Variants in AGAP1 observed in about 807,000 individuals in gnomAD.
The protein encoded by AGAP1 is ArfGAP with GTPase domain, ankyrin repeat and PH domain 1.
In AGAP1, 29 loss-of-function variants were observed where a neutral mutation model predicts 105.3. The ratio of observed to expected loss-of-function variants is 0.28; its 90% CI spans 0.21 to 0.38. AGAP1 has a LOEUF of 0.38. AGAP1 is among the 10% of genes least tolerant of loss of function. AGAP1 has a pLI of 1.00. For missense variants in AGAP1, 998 were observed against 1,165.1 expected (o/e 0.86, Z 2.09); for synonymous variants, 509 against 485.9 (o/e 1.05, Z -0.63).
chr2:236,012,565 T>C lies in AGAP1; in HGVS notation c.1646-23996T>C, dbSNP rs1475014229. Among the ~76,000 whole-genome samples the C allele has an allele frequency of 6.6e-6, 1 of 152,082 alleles. No individual in the cohort carries two copies. Among genetic ancestry groups the C allele is most frequent in the Non-Finnish European group, 1.5e-5 (1 of 68,028 alleles). On this transcript the variant is annotated intron_variant, in intron 13 of 17. Coordinates refer to ENST00000304032, the MANE Select transcript of AGAP1 (RefSeq NM_001037131.3). The surrounding 1 kb of genome is among the most constrained non-coding windows in gnomAD (Gnocchi z 4.9). ...GGTTTCCTTCGTTCCTCATGCATGG[T>C]ATTTGTACCGGTGGGTACCTGAAGA...
At position 235,739,494 on chromosome 2, in the gene AGAP1, C is replaced by T. The variant is rs974147732; in HGVS notation, c.311-1469C>T. On this transcript the variant is annotated intron_variant, in intron 3 of 17. Coordinates refer to ENST00000304032, the MANE Select transcript of AGAP1 (RefSeq NM_001037131.3). This position sits in a 1 kb window ranked among gnomAD's most constrained non-coding sequence, Gnocchi z 5.3. ...CCTCAGCCTGACCATTTCCAGTGGG[C>T]CCTACCGTCTTGTTTCAGTGACTGG... 2.0e-5 allele frequency among the ~76,000 whole-genome samples: 3 copies of T among 152,202 alleles called. No individual in the cohort carries two copies. Among genetic ancestry groups the T allele is most frequent in the Non-Finnish European group, 4.4e-5 (3 of 68,042 alleles).
intron 1 of AGAP1, among the ~76,000 whole-genome samples, chr2:235,651,055 C>T (rs1253434184): frequency 1.3e-5 from 2 of 151,918 alleles, no homozygotes; most frequent in Non-Finnish European, 2.9e-5. Flanking sequence ...GTGGCATGCT[C>T]CTGTAGTCCC....
Position 235,494,676 on chromosome 2 carries a change from G to T in AGAP1, c.-11G>T. ...CGGGGGGCGCGCGGCTCCGGGCGCG[G>T]CGCCTGCACCATGAACTACCAGCAG... On this transcript the variant is annotated 5_prime_UTR_variant, in exon 1 of 18. Coordinates refer to ENST00000304032, the MANE Select transcript of AGAP1 (RefSeq NM_001037131.3). The T allele has an allele frequency of 7.0e-7, 1 of 1,421,680 alleles. No individual in the cohort carries two copies. 88.1% of individuals were successfully genotyped at this position (1,421,680 alleles called of 1,614,324 possible).
chr2:235,714,901 G>T lies in AGAP1; in HGVS notation c.223-2656G>T, dbSNP rs912176634. On this transcript the variant is annotated intron_variant, in intron 2 of 17. Coordinates refer to ENST00000304032, the MANE Select transcript of AGAP1 (RefSeq NM_001037131.3). This position sits in a 1 kb window ranked among gnomAD's most constrained non-coding sequence, Gnocchi z 4.1. The stretch of plus-strand genomic sequence containing the variant: ...CAACCTCCGCCTCCTGGGTTCAGGC[G>T]ATTCTCCTGCCTTAGCCTCCTGAGT... Among the ~76,000 whole-genome samples, 17 of 152,090 alleles carry T rather than the reference G, an allele frequency of 1.1e-4. No homozygotes were observed. The highest frequency in any genetic ancestry group is 3.9e-4 in the African/African-American group (16 of 41,396).
rs1265037934 is a variant in AGAP1 at position 235,620,247 on chromosome 2, T to G, written c.164-88932T>G. On this transcript the variant is annotated intron_variant, in intron 1 of 17. Transcript: ENST00000304032. The surrounding 1 kb of genome is among the most constrained non-coding windows in gnomAD (Gnocchi z 4.5). Reference sequence around the variant, plus strand: ...TGGCTTCCTGAGCCACCTCAGCCATTAGCACCCTGGTCCCGGGCAGCAGCG... The same window carrying G: ...TGGCTTCCTGAGCCACCTCAGCCATGAGCACCCTGGTCCCGGGCAGCAGCG... Among the ~76,000 whole-genome samples the G allele has an allele frequency of 4.6e-5, 7 of 152,176 alleles. No individual in the cohort carries two copies. Among genetic ancestry groups the G allele is most frequent in the Non-Finnish European group, 8.8e-5 (6 of 68,022 alleles).
intron 12 of AGAP1, among the ~76,000 whole-genome samples, chr2:235,937,823 G>A (rs761114103): frequency 2.6e-5 from 4 of 152,188 alleles, no homozygotes; most frequent in Non-Finnish European, 4.4e-5. Flanking sequence ...AGTGTGCCAC[G>A]GGGCAGAGAC....
intron 15 of AGAP1, 133 bp from the exon 16 acceptor site, chr2:236,048,926 G>C: frequency 1.3e-6 from 1 of 794,574 alleles, no homozygotes; most frequent in Non-Finnish European, 2.0e-6. Context: ...TGGCTAGGGA[G>C]CATTTTTTCT....
chr2:235,787,175 G>GA lies in AGAP1; in HGVS notation c.674-10583dup, dbSNP rs1956694647. Among the ~76,000 whole-genome samples, 1 of 152,212 alleles carries GA rather than the reference G, an allele frequency of 6.6e-6. No individual in the cohort carries two copies. The highest frequency in any genetic ancestry group is 1.5e-5 in the Non-Finnish European group (1 of 68,048). ...AGGCTTCTCCCCTCTCCTGTTGTAA[G>GA]AGTTGAGCTAGCAGGGGCCGCCTCT... On this transcript the variant is annotated intron_variant, in intron 6 of 17. Transcript: ENST00000304032. This position sits in a 1 kb window ranked among gnomAD's most constrained non-coding sequence, Gnocchi z 4.4.
At chr2:235,772,382 C>T (rs887436855) in intron 6 of AGAP1, among the ~76,000 whole-genome samples, 3 of 152,138 alleles carry the variant, frequency 2.0e-5, no homozygotes, top group African/African-American at 4.8e-5. Flanking sequence ...TTTCTCTTGA[C>T]GAACTTCCCT....
chr2:236,069,547 C>G, intron 16 of AGAP1, among the ~76,000 whole-genome samples: 1 of 152,210 alleles, frequency 6.6e-6, no homozygotes, highest in East Asian at 1.9e-4. Flanking sequence ...CCTCAGCCTC[C>G]CAAATAGCTG....
intron 10 of AGAP1, among the ~76,000 whole-genome samples, chr2:235,890,474 G>C (rs1414050655): frequency 6.6e-6 from 1 of 152,148 alleles, no homozygotes; most frequent in Non-Finnish European, 1.5e-5. Context: ...AAAGGCCAGT[G>C]GTGGGGCAGG....
intron 1 of AGAP1, among the ~76,000 whole-genome samples, chr2:235,688,489 C>T (rs1949576968): frequency 1.3e-5 from 2 of 152,182 alleles, no homozygotes; most frequent in African/African-American, 4.8e-5. Flanking sequence ...AAACTTTCTG[C>T]CTCTCTTGGG....
chr2:235,784,790 A>C (rs1480002890), intron 6 of AGAP1, among the ~76,000 whole-genome samples: 1 of 152,130 alleles, frequency 6.6e-6, no homozygotes, highest in African/African-American at 2.4e-5. Flanking sequence ...ATGTTACTAT[A>C]ACATCACAAA....
chr2:235,890,648 G>A (rs924772824), intron 10 of AGAP1, among the ~76,000 whole-genome samples: 7 of 152,216 alleles, frequency 4.6e-5, no homozygotes, highest in Non-Finnish European at 8.8e-5. Flanking sequence ...ATCACACAGA[G>A]GTGCCCTGCT....
At chr2:235,765,566 G>T (rs1954884355) in intron 6 of AGAP1, among the ~76,000 whole-genome samples, 1 of 152,166 alleles carries the variant, frequency 6.6e-6, no homozygotes, top group Non-Finnish European at 1.5e-5. Context: ...CAGCCAACCG[G>T]ACTGTACCAC....
intron 1 of AGAP1, among the ~76,000 whole-genome samples, chr2:235,496,521 C>T: frequency 6.6e-6 from 1 of 152,172 alleles, no homozygotes; most frequent in Non-Finnish European, 1.5e-5. Flanking sequence ...ATGGTTCTTC[C>T]TGGCTCTCTG....
intron 16 of AGAP1, among the ~76,000 whole-genome samples, chr2:236,094,165 G>A (rs1046204502): frequency 6.6e-6 from 1 of 152,004 alleles, no homozygotes; most frequent in African/African-American, 2.4e-5. Flanking sequence ...CTGATCAAAA[G>A]CTGTGATGGA....
rs2058742875 is a variant in AGAP1 at position 236,080,125 on chromosome 2, A to G, written c.2114+30844A>G. The stretch of plus-strand genomic sequence containing the variant: ...GAGGAACCCTAAGCTTAGGAACCAA[A>G]TCTTCTACAGTGGGCACAAAGCACA... On this transcript the variant is annotated intron_variant, in intron 16 of 17. Coordinates refer to ENST00000304032, the MANE Select transcript of AGAP1 (RefSeq NM_001037131.3). This position sits in a 1 kb window ranked among gnomAD's most constrained non-coding sequence, Gnocchi z 4.2. 6.6e-6 allele frequency among the ~76,000 whole-genome samples: 1 copy of G among 152,170 alleles called. No homozygotes were observed. Among genetic ancestry groups the G allele is most frequent in the Admixed American group, 6.5e-5 (1 of 15,282 alleles).
intron 8 of AGAP1, among the ~76,000 whole-genome samples, chr2:235,806,551 G>C (rs142249877): frequency 2.6e-5 from 4 of 152,188 alleles, no homozygotes; most frequent in African/African-American, 9.7e-5. Context: ...TCCGCAGCAC[G>C]TCAGCAGTGC....
Sources: gnomAD v4.1 joint callset for allele counts (sites outside exome capture counted in the v4.1 genomes callset) on GRCh38, gnomAD v4.1.1 for gene constraint, Gnocchi (gnomAD v3.1) non-coding constraint, MANE v1.5 for transcripts, NCBI Gene and HGNC (gene_info 2026-07-23, HGNC 2026-07-21) for gene names.